Variants in ARHGAP44 observed in about 807,000 individuals in gnomAD.
ARHGAP44 encodes the protein rho GTPase-activating protein 44.
A neutral mutation model predicts 106.8 loss-of-function variants in ARHGAP44; 43 were observed. The observed-to-expected ratio is 0.40, with a 90% CI of 0.32 to 0.52. ARHGAP44 has a LOEUF of 0.52. Ranked by LOEUF, ARHGAP44 falls within the 20% of genes least tolerant of loss-of-function variation. ARHGAP44 has a pLI of 0.48. For missense variants in ARHGAP44, 866 were observed against 1,050.5 expected, an observed-to-expected ratio of 0.82 and a Z score of 2.43; for synonymous variants, 439 against 410.3, an observed-to-expected ratio of 1.07 and a Z score of -0.85.
chr17:12,926,499 G>T (rs1240662096), intron 6 of ARHGAP44, among the ~76,000 whole-genome samples: 1 of 138,836 alleles, frequency 7.2e-6, no homozygotes, highest in African/African-American at 2.6e-5. Flanking sequence ...TATAATATAT[G>T]TATATATATT....
intron 20 of ARHGAP44, chr17:12,988,355 T>C (rs950521795): frequency 2.6e-5 from 4 of 152,222 alleles, no homozygotes; most frequent in Non-Finnish European, 5.9e-5. Context: ...GATTTTTGAA[T>C]CTAAGCAGGG....
rs76073053 is a variant in ARHGAP44, at chr17:12,911,246, C to T, written c.275+2273C>T. Among the ~76,000 whole-genome samples the T allele has an allele frequency of 2.6e-3, 394 of 152,066 alleles. 9 individuals are homozygous for T. In the East Asian group the frequency reaches 0.043, roughly 17 times the overall value. On this transcript the variant is annotated intron_variant, in intron 4 of 20. Transcript: ENST00000379672. ...TGCCTATAATATAATGACAGAGTAACGTTGGAAATAAAGATGACAGATTGA... is the reference window on the plus strand; with the variant it reads ...TGCCTATAATATAATGACAGAGTAATGTTGGAAATAAAGATGACAGATTGA...
At chr17:12,801,295 G>GT (rs1261390297) in intron 1 of ARHGAP44, among the ~76,000 whole-genome samples, 1 of 152,252 alleles carries the variant, frequency 6.6e-6, no homozygotes, top group African/African-American at 2.4e-5. Flanking sequence ...CCTAGATGCT[G>GT]TTTAAGTGTG....
intron 1 of ARHGAP44, among the ~76,000 whole-genome samples, chr17:12,830,787 C>A (rs989422759): frequency 5.9e-5 from 9 of 152,124 alleles, no homozygotes; most frequent in Non-Finnish European, 1.0e-4. Flanking sequence ...CAGCTCTCAT[C>A]TGGTGTTTTG....
intron 18 of ARHGAP44, among the ~76,000 whole-genome samples, chr17:12,979,546 C>T (rs574354678): frequency 1.5e-4 from 23 of 152,284 alleles, no homozygotes; most frequent in African/African-American, 5.5e-4. Context: ...TAGAATCCCT[C>T]CTGCCTGGGG....
intron 1 of ARHGAP44, among the ~76,000 whole-genome samples, chr17:12,846,693 C>T (rs2035579686): frequency 6.6e-6 from 1 of 152,172 alleles, no homozygotes; most frequent in Non-Finnish European, 1.5e-5. Context: ...CTTCAAATGC[C>T]AGGACATCTC....
rs961963922 is a variant in ARHGAP44, at chr17:12,958,812, G to T, written c.1438G>T (p.Ala480Ser). The T allele has an allele frequency of 1.7e-5, 27 of 1,607,874 alleles. No homozygotes were observed. The highest frequency in any genetic ancestry group is 2.1e-5 in the Non-Finnish European group (25 of 1,177,300). ...SSMPSPDMDP[A>S]DRRQPEQARR... is the part of the protein sequence containing the mutation. ...AATGCCCTCCCCAGACATGGACCCT[G>T]CTGACCGGCGCCAGCCCGAGCAGGC... The change falls in exon 16 of 21, where the codon GCT (alanine) becomes TCT (serine). Residue 480 changes from alanine to serine, a missense_variant. Coordinates refer to ENST00000379672, the MANE Select transcript of ARHGAP44 (RefSeq NM_014859.6). The surrounding 1 kb of genome is among the most constrained non-coding windows in gnomAD (Gnocchi z 4.1).
At chr17:12,977,168 T>C (rs1262748046) in intron 18 of ARHGAP44, among the ~76,000 whole-genome samples, 1 of 152,154 alleles carries the variant, frequency 6.6e-6, no homozygotes, top group Non-Finnish European at 1.5e-5. Flanking sequence ...CCAAATGTCT[T>C]TCCCCTTTGC....
intron 1 of ARHGAP44, among the ~76,000 whole-genome samples, chr17:12,836,326 A>C (rs141236973): frequency 2.1e-3 from 316 of 152,150 alleles, no homozygotes; most frequent in Middle Eastern, 3.4e-3. Context: ...GATACAGTGG[A>C]CTCCAGACCA....
chr17:12,907,926 G>C (rs1193948440), intron 3 of ARHGAP44, among the ~76,000 whole-genome samples: 4 of 151,998 alleles, frequency 2.6e-5, no homozygotes, highest in Non-Finnish European at 4.4e-5. Context: ...ACATCTACTA[G>C]TAATGCATGA....
chr17:12,956,813 C>A (rs1349212682), intron 15 of ARHGAP44, 67 bp downstream of exon 15: 1 of 1,431,120 alleles, frequency 7.0e-7, no homozygotes, highest in Non-Finnish European at 9.8e-7. Context: ...GAGTTCTGAG[C>A]CTTTGAAGCC....
chr17:12,890,800 T>C (rs2037022323), intron 1 of ARHGAP44, among the ~76,000 whole-genome samples: 2 of 152,196 alleles, frequency 1.3e-5, no homozygotes, highest in Non-Finnish European at 1.5e-5. Flanking sequence ...ATATTTTCTC[T>C]CCTCTTGCAT....
chr17:12,930,423 G>C (rs1598072846), intron 7 of ARHGAP44, among the ~76,000 whole-genome samples: 1 of 152,074 alleles, frequency 6.6e-6, no homozygotes, highest in East Asian at 1.9e-4. Flanking sequence ...TTTTAGTAGA[G>C]ACGGGGGTTT....
intron 6 of ARHGAP44, among the ~76,000 whole-genome samples, chr17:12,926,401 TTGTATATATATAATATATA>T (rs1210775373): frequency 3.4e-5 from 5 of 145,118 alleles, no homozygotes; most frequent in South Asian, 2.1e-4. Context: ...ATAATATATA[TTGTATATATATAATATATA>T]TGTATATATA....
intron 1 of ARHGAP44, among the ~76,000 whole-genome samples, chr17:12,796,690 G>A (rs1292356987): frequency 1.3e-5 from 2 of 151,430 alleles, no homozygotes; most frequent in South Asian, 2.1e-4. Flanking sequence ...TCTGCCTCCC[G>A]GATTCATGCC....
intron 1 of ARHGAP44, among the ~76,000 whole-genome samples, chr17:12,828,634 TTC>T (rs1469438808): frequency 8.4e-4 from 114 of 135,908 alleles, no homozygotes; most frequent in African/African-American, 3.5e-3. Flanking sequence ...TTTTTTTTCT[TTC>T]TTTTTTTTTT....
At chr17:12,903,132 AGAGAGAGAGTGT>A (rs2037438583) in intron 3 of ARHGAP44, among the ~76,000 whole-genome samples, 4 of 125,932 alleles carry the variant, frequency 3.2e-5, no homozygotes, top group South Asian at 2.7e-4. Context: ...GAGAGGAGAG[AGAGAGAGAGTGT>A]GTGTGTGTGT....
chr17:12,924,845 T>C (rs9899116), intron 6 of ARHGAP44, among the ~76,000 whole-genome samples: 3,962 of 152,230 alleles, frequency 0.026, 170 homozygotes, highest in South Asian at 0.093. Flanking sequence ...CCTCCAGAAT[T>C]GTGAGAAGAT....
At chr17:12,936,789 T>C (rs1369491234) in intron 7 of ARHGAP44, among the ~76,000 whole-genome samples, 2 of 152,238 alleles carry the variant, frequency 1.3e-5, no homozygotes, top group African/African-American at 4.8e-5. Flanking sequence ...AAAGTGACTA[T>C]ACTCTGTATT....
Sources: gnomAD v4.1 joint callset for allele counts (sites outside exome capture counted in the v4.1 genomes callset) on GRCh38, gnomAD v4.1.1 for gene constraint, Gnocchi (gnomAD v3.1) non-coding constraint, MANE v1.5 for transcripts, NCBI Gene and HGNC (gene_info 2026-07-23, HGNC 2026-07-21) for gene names.